SLC30A7: variants seen among roughly 807,000 people sequenced by gnomAD.
SLC30A7 encodes solute carrier family 30 member 7.
A neutral mutation model predicts 46.0 loss-of-function variants in SLC30A7; 35 were observed. The ratio of observed to expected loss-of-function variants is 0.76; its 90% CI spans 0.58 to 1.01. The LOEUF (loss-of-function observed/expected upper bound fraction) is 1.01. Ranked by LOEUF, SLC30A7 falls within the 50% of genes least tolerant of loss-of-function variation. SLC30A7 has a pLI of 0.00. For synonymous variants in SLC30A7, 147 were observed against 157.8 expected (o/e 0.93, Z 0.51); for missense variants, 464 against 451.1 (o/e 1.03, Z -0.26).
chr1:100,914,436 C>T (rs1327344865), intron 6 of SLC30A7, among the ~76,000 whole-genome samples: 1 of 151,944 alleles, frequency 6.6e-6, no homozygotes, highest in African/African-American at 2.4e-5. Flanking sequence ...ATCACGAGGC[C>T]TTTTGTGCTA....
At chr1:100,988,897 G>A in the SLC30A7 span, among the ~76,000 whole-genome samples, 1 of 151,586 alleles carries the variant, frequency 6.6e-6, no homozygotes, top group Non-Finnish European at 1.5e-5. Flanking sequence ...AAAAAGAGAT[G>A]TTTCATATAT....
At position 100,965,981 on chromosome 1, in the gene SLC30A7, A is replaced by C; in HGVS notation, c.1083+63A>C. 1.4e-6 allele frequency: 2 copies of C among 1,434,284 alleles called. 1 individual carries two copies. Among genetic ancestry groups the C allele is most frequent in the South Asian group, 2.7e-5 (2 of 74,962 alleles). The allele number at this position is 1,434,284 out of a possible 1,614,324, so 88.8% of individuals were successfully genotyped here. A position where few individuals can be genotyped will look rare whatever the true frequency, so the allele number is the denominator to read the frequency against. ...CATTTTTTATAACTAGTAGTTTTAAAAATATTTACAAGGCCAATGTGAGAG... is the reference window on the plus strand; with the variant it reads ...CATTTTTTATAACTAGTAGTTTTAACAATATTTACAAGGCCAATGTGAGAG... On this transcript the variant is annotated intron_variant, in intron 10 of 10. Transcript: ENST00000357650.
intron 8 of SLC30A7, chr1:100,941,619 CT>C: frequency 1.7e-6 from 1 of 592,678 alleles, no homozygotes; most frequent in Admixed American, 1.9e-5. Context: ...TCAGTATACT[CT>C]TTAATGCCAG....
chr1:100,915,216 TC>T (rs1652439921), intron 6 of SLC30A7, among the ~76,000 whole-genome samples: 2 of 144,386 alleles, frequency 1.4e-5, no homozygotes, highest in African/African-American at 5.2e-5. Flanking sequence ...TTTCTTTCTT[TC>T]TTTCTTTCTT....
At chr1:100,932,423 A>C (rs2101046836) in intron 8 of SLC30A7, among the ~76,000 whole-genome samples, 1 of 152,300 alleles carries the variant, frequency 6.6e-6, no homozygotes, top group South Asian at 2.1e-4. Flanking sequence ...TCAAAAATAA[A>C]TAAATAAATA....
rs1195293411 is a variant in SLC30A7 at position 100,981,049 on chromosome 1, CCTCT to C, written c.*6193_*6196del. On this transcript the variant is annotated 3_prime_UTR_variant, in exon 11 of 11. Coordinates refer to ENST00000357650, the MANE Select transcript of SLC30A7 (RefSeq NM_133496.5). The stretch of plus-strand genomic sequence containing the variant: ...AAACACAAAATTTTAGTAGTACCTC[CCTCT>C]ATTTCTTCACTGATTTTTCATCTGT... The C allele has an allele frequency of 1.3e-5, 2 of 151,902 alleles. No homozygotes were observed. Among genetic ancestry groups the C allele is most frequent in the African/African-American group, 4.8e-5 (2 of 41,398 alleles). The allele number at this position is 151,902 out of a possible 1,614,324, so 9.4% of individuals were successfully genotyped here.
chr1:100,938,075 G>C (rs150527859), intron 8 of SLC30A7, among the ~76,000 whole-genome samples: 8 of 152,274 alleles, frequency 5.3e-5, no homozygotes, highest in Non-Finnish European at 1.0e-4. Context: ...TGGGCTGTCT[G>C]TTCTATCCCA....
chr1:100,981,265 G>C lies in SLC30A7; in HGVS notation c.*6408G>C, dbSNP rs1656916711. On this transcript the variant is annotated 3_prime_UTR_variant, in exon 11 of 11. Transcript: ENST00000357650. ...GTCAAGTAACTTCATTGCTTCCTTT[G>C]ATAGCAATTCAGTGAAATTTTTTCC... is the stretch of plus-strand genomic sequence containing the variant. 1 of 152,060 alleles carries C rather than the reference G, an allele frequency of 6.6e-6. No homozygotes were observed. The highest frequency in any genetic ancestry group is 1.5e-5 in the Non-Finnish European group (1 of 67,974). 9.4% of individuals were successfully genotyped at this position (152,060 alleles called of 1,614,324 possible).
At chr1:100,969,812 C>G (rs1656057482) in intron 10 of SLC30A7, among the ~76,000 whole-genome samples, 1 of 152,122 alleles carries the variant, frequency 6.6e-6, no homozygotes, top group Non-Finnish European at 1.5e-5. Flanking sequence ...CTACTAATGA[C>G]TTTCATTCCT....
chr1:100,903,487 A>G (rs901080160), intron 2 of SLC30A7, among the ~76,000 whole-genome samples: 3 of 152,170 alleles, frequency 2.0e-5, no homozygotes, highest in African/African-American at 2.4e-5. Flanking sequence ...AGAGAATTGC[A>G]TGAATAATAT....
chr1:100,912,034 A>T, intron 4 of SLC30A7, 78 bp from the exon 5 acceptor site: 1 of 1,297,262 alleles, frequency 7.7e-7, no homozygotes, highest in Non-Finnish European at 1.1e-6. Context: ...GAAAGTGTTT[A>T]ATGTTGTCTT....
chr1:100,986,796 C>T, the SLC30A7 span, among the ~76,000 whole-genome samples: 1 of 152,122 alleles, frequency 6.6e-6, no homozygotes, highest in Non-Finnish European at 1.5e-5. Flanking sequence ...TATAAAGGGA[C>T]AGTGGGAGAT....
chr1:100,995,080 C>T, the SLC30A7 span: 4 of 1,494,868 alleles, frequency 2.7e-6, no homozygotes, highest in Non-Finnish European at 3.7e-6. Flanking sequence ...AAATAAAACA[C>T]ATGTATGCAT....
chr1:100,974,827 C>A lies in SLC30A7; in HGVS notation c.1101C>A (p.Leu367=). The change falls in exon 11 of 11, where the codon CTC becomes CTA. Residue 367 remains leucine (L), a synonymous_variant. Transcript: ENST00000357650. The part of the protein sequence containing the change: ...NIFTQAGVRQ[L]YVQIDFAAM ...CTTTTCAGGCTGGAGTGAGACAGCT[C>A]TACGTACAGATTGACTTTGCAGCCA... The A allele has an allele frequency of 6.3e-7, 1 of 1,594,478 alleles. No homozygotes were observed. Among genetic ancestry groups the A allele is most frequent in the Non-Finnish European group, 8.6e-7 (1 of 1,166,900 alleles).
In SLC30A7 at chr1:100,968,180, G is replaced by A. The variant is rs189554503; in HGVS notation, c.1083+2262G>A. On this transcript the variant is annotated intron_variant, in intron 10 of 10. Transcript: ENST00000357650. ...TTGACTTCAAATTTTTTCAAAATAG[G>A]CCAGGCATGGTGGCTCACACCTGTA... Among the ~76,000 whole-genome samples, 180 of 152,178 alleles carry A rather than the reference G, an allele frequency of 1.2e-3. 1 individual carries two copies. The highest frequency in any genetic ancestry group is 4.2e-3 in the African/African-American group (175 of 41,510).
intron 8 of SLC30A7, chr1:100,941,643 T>G: frequency 2.3e-5 from 14 of 603,644 alleles, no homozygotes; most frequent in South Asian, 1.9e-4. Flanking sequence ...ACAAATATCT[T>G]TTTCACAGTT....
downstream of SLC30A7, among the ~76,000 whole-genome samples, chr1:100,986,215 G>A (rs1657260500): frequency 6.6e-6 from 1 of 152,078 alleles, no homozygotes; most frequent in Non-Finnish European, 1.5e-5. Context: ...TTCGGGACCA[G>A]CCTGACCAAC....
intron 7 of SLC30A7, among the ~76,000 whole-genome samples, chr1:100,920,011 A>AT (rs992599916): frequency 1.2e-4 from 18 of 151,934 alleles, no homozygotes; most frequent in South Asian, 4.1e-4. Context: ...TTTCTTAGTG[A>AT]TTTTTTTCTT....
chr1:100,990,652 T>C, the SLC30A7 span: 2 of 1,601,854 alleles, frequency 1.2e-6, no homozygotes, highest in South Asian at 2.2e-5. Flanking sequence ...AAAAAGATAC[T>C]GCTATTCAAT....
Sources: gnomAD v4.1 joint callset for allele counts (sites outside exome capture counted in the v4.1 genomes callset) on GRCh38, gnomAD v4.1.1 for gene constraint, MANE v1.5 for transcripts, NCBI Gene and HGNC (gene_info 2026-07-23, HGNC 2026-07-21) for gene names.